SNX8: variants seen among roughly 807,000 people sequenced by gnomAD.
SNX8 encodes sorting nexin-8.
Under a neutral mutation model 51.6 loss-of-function variants are expected in SNX8, and 25 were observed. The ratio of observed to expected loss-of-function variants is 0.48; its 90% CI spans 0.35 to 0.68. The LOEUF is 0.68. Among genes scored for constraint, SNX8 ranks in the 30% least tolerant of loss-of-function variants. The pLI is 0.00. For missense variants in SNX8, 695 were observed against 624.0 expected (o/e 1.11, Z -1.21); for synonymous variants, 324 against 277.0 (o/e 1.17, Z -1.68).
intron 2 of SNX8, among the ~76,000 whole-genome samples, chr7:2,277,567 G>A (rs140849281): frequency 1.1e-4 from 16 of 152,144 alleles, no homozygotes; most frequent in East Asian, 3.9e-4. Context: ...TTGGGAGGCC[G>A]AGGCGGGTGG....
chr7:2,346,398 A>G (rs1779027331), intron 1 of SNX8, among the ~76,000 whole-genome samples: 1 of 151,518 alleles, frequency 6.6e-6, no homozygotes, highest in South Asian at 2.1e-4. Context: ...CTGAGCTGTG[A>G]TTTCACCACT....
chr7:2,267,317 C>A (rs1439456430), intron 5 of SNX8, among the ~76,000 whole-genome samples: 1 of 130,528 alleles, frequency 7.7e-6, no homozygotes, highest in Non-Finnish European at 1.6e-5. Flanking sequence ...CCTCCCCCTC[C>A]CCCTCCCCCT....
At chr7:2,347,501 A>G (rs902954587) in intron 1 of SNX8, among the ~76,000 whole-genome samples, 681 of 55,742 alleles carry the variant, frequency 0.012, 4 homozygotes, top group East Asian at 0.075. Context: ...AAAAAAAAAG[A>G]AAAAAAAAAG....
chr7:2,270,990 C>T (rs917238166), intron 4 of SNX8, among the ~76,000 whole-genome samples: 19 of 152,374 alleles, frequency 1.2e-4, no homozygotes, highest in Non-Finnish European at 2.6e-4. Context: ...CCCGCCTTCC[C>T]TGGAGGGGCT....
At chr7:2,324,661 C>T (rs2115228140) in intron 1 of SNX8, among the ~76,000 whole-genome samples, 1 of 152,252 alleles carries the variant, frequency 6.6e-6, no homozygotes, top group South Asian at 2.1e-4. Context: ...ATGATCAGTA[C>T]TTTGCAGGCA....
At chr7:2,342,322 A>G (rs1047712698) in intron 1 of SNX8, among the ~76,000 whole-genome samples, 1 of 152,042 alleles carries the variant, frequency 6.6e-6, no homozygotes. Context: ...CACTGATTGC[A>G]TGTATTAGTA....
chr7:2,312,557 C>T (rs1352774592), intron 1 of SNX8, among the ~76,000 whole-genome samples: 1 of 152,118 alleles, frequency 6.6e-6, no homozygotes, highest in African/African-American at 2.4e-5. Flanking sequence ...ACTGAAGACC[C>T]ATTCTGAAAG....
intron 1 of SNX8, among the ~76,000 whole-genome samples, chr7:2,344,812 C>G (rs1302349278): frequency 2.0e-5 from 3 of 152,088 alleles, no homozygotes; most frequent in Non-Finnish European, 2.9e-5. Flanking sequence ...GTAATCCCAG[C>G]ACTTTGGGAG....
upstream of SNX8, among the ~76,000 whole-genome samples, chr7:2,318,963 G>A (rs924159514): frequency 2.0e-5 from 3 of 151,724 alleles, no homozygotes; most frequent in Non-Finnish European, 4.4e-5. Flanking sequence ...AGCTGTGATC[G>A]CATCACTGCA....
At chr7:2,307,150 C>A (rs1270394175) in intron 1 of SNX8, among the ~76,000 whole-genome samples, 2 of 152,098 alleles carry the variant, frequency 1.3e-5, no homozygotes, top group Non-Finnish European at 2.9e-5. Flanking sequence ...CAGATCCTCC[C>A]GGAGCTGAAC....
At chr7:2,277,162 C>T (rs902084196) in intron 2 of SNX8, among the ~76,000 whole-genome samples, 1 of 152,146 alleles carries the variant, frequency 6.6e-6, no homozygotes, top group Non-Finnish European at 1.5e-5. Flanking sequence ...TACTCAATGC[C>T]CAGGATGAAC....
Position 2,269,654 on chromosome 7 carries a change from C to A in SNX8, c.541-15G>T. Reference sequence around the variant, plus strand: ...TTCTGCACATCCTGCAAAAGGAAAACACACAGCTTCACCCTCTTCTACTAG... The same window carrying A: ...TTCTGCACATCCTGCAAAAGGAAAAAACACAGCTTCACCCTCTTCTACTAG... On this transcript the variant is annotated splice_polypyrimidine_tract_variant and intron_variant, in intron 4 of 10. Transcript: ENST00000222990. 1 of 1,564,878 alleles carries A rather than the reference C, an allele frequency of 6.4e-7. No homozygotes were observed. The highest frequency in any genetic ancestry group is 1.8e-5 in the Admixed American group (1 of 55,066).
intron 7 of SNX8, among the ~76,000 whole-genome samples, 167 bp downstream of exon 7, chr7:2,263,063 G>A (rs775099264): frequency 6.6e-6 from 1 of 152,266 alleles, no homozygotes; most frequent in Non-Finnish European, 1.5e-5. Flanking sequence ...AGGTTGCAGC[G>A]AGCCGAGATT....
intron 1 of SNX8, among the ~76,000 whole-genome samples, chr7:2,345,738 A>T (rs1198203214): frequency 6.6e-6 from 1 of 151,392 alleles, no homozygotes; most frequent in Non-Finnish European, 1.5e-5. Flanking sequence ...TTGCGTCAAC[A>T]TTCTGGTTGT....
At chr7:2,309,798 A>G (rs1205236193) in intron 1 of SNX8, 1 of 470,974 alleles carries the variant, frequency 2.1e-6, no homozygotes, top group Non-Finnish European at 4.4e-6. Flanking sequence ...TCACACAGAG[A>G]ACAGACCTGA....
intron 7 of SNX8, among the ~76,000 whole-genome samples, chr7:2,262,775 TGGATG>T (rs756039604): frequency 4.8e-4 from 73 of 152,190 alleles, no homozygotes; most frequent in Non-Finnish European, 5.4e-4. Flanking sequence ...GGAACAGATG[TGGATG>T]GGCAGCTCCC....
intron 1 of SNX8, among the ~76,000 whole-genome samples, chr7:2,324,310 A>C (rs1222663940): frequency 7.8e-6 from 1 of 128,460 alleles, no homozygotes; most frequent in Non-Finnish European, 1.7e-5. Flanking sequence ...TTTTTTTTTG[A>C]GACAGAGTTT....
At chr7:2,293,425 G>A (rs758571035) in intron 1 of SNX8, among the ~76,000 whole-genome samples, 7 of 151,880 alleles carry the variant, frequency 4.6e-5, no homozygotes, top group Non-Finnish European at 8.8e-5. Context: ...GGAGGCCAAG[G>A]CAGGTGGATC....
intron 1 of SNX8, 71 bp downstream of exon 1, chr7:2,314,257 G>A (rs1796716245): frequency 8.3e-7 from 1 of 1,208,922 alleles, no homozygotes; most frequent in Non-Finnish European, 1.0e-6. Context: ...CGGCGGCTGA[G>A]CCCCGTCCGC....
Sources: gnomAD v4.1 joint callset for allele counts (sites outside exome capture counted in the v4.1 genomes callset) on GRCh38, gnomAD v4.1.1 for gene constraint, MANE v1.5 for transcripts, NCBI Gene and HGNC (gene_info 2026-07-23, HGNC 2026-07-21) for gene names.